The following BCL7A variants were observed in gnomAD, a reference collection of about 807,000 sequenced individuals.
The protein encoded by BCL7A is BAF chromatin remodeling complex subunit BCL7A.
Under a neutral mutation model 28.4 loss-of-function variants are expected in BCL7A, and 11 were observed. That is an observed-to-expected ratio of 0.39 (90% confidence interval 0.24 to 0.64). The LOEUF (loss-of-function observed/expected upper bound fraction) is 0.64, where lower values mean the gene tolerates loss of function less well. Among genes scored for constraint, BCL7A ranks in the 30% least tolerant of loss-of-function variants. The pLI is 0.50. For missense variants in BCL7A, 222 were observed against 274.8 expected, an observed-to-expected ratio of 0.81 and a Z score of 1.36; for synonymous variants, 123 against 103.3, an observed-to-expected ratio of 1.19 and a Z score of -1.15.
chr12:122,042,109 T>TGCAGGACAAGGGGGGGC (rs1490337035), intron 3 of BCL7A, among the ~76,000 whole-genome samples: 4 of 151,680 alleles, frequency 2.6e-5, no homozygotes, highest in Non-Finnish European at 4.4e-5. Context: ...GAGAAGGGGG[T>TGCAGGACAAGGGGGGGC]GCAGGACAAG....
chr12:122,022,791 G>C (rs1593019452), intron 1 of BCL7A, among the ~76,000 whole-genome samples: 1 of 151,776 alleles, frequency 6.6e-6, no homozygotes, highest in East Asian at 2.0e-4. Flanking sequence ...AGCGCTTTGG[G>C]CTGCCTGGAG....
Position 122,035,360 on chromosome 12 carries a change from CGA to C in BCL7A, c.207_208del (p.Lys70ValfsTer21). On this transcript the variant is annotated frameshift_variant, in exon 3 of 6. Transcript: ENST00000261822. LOFTEE classifies it high-confidence loss of function. ...KNKNKKKGKD[E>X]KCGSEVTTPE... ...ACAAGAATAAGAAAAAAGGCAAGGA[CGA>C]GAAGTGTGGCTCAGAGGTGACCACT... The C allele has an allele frequency of 6.2e-7, 1 of 1,614,168 alleles. No homozygotes were observed. Among genetic ancestry groups the C allele is most frequent in the East Asian group, 2.2e-5 (1 of 44,884 alleles).
chr12:122,022,631 C>G (rs1883491634), intron 1 of BCL7A, among the ~76,000 whole-genome samples: 1 of 145,208 alleles, frequency 6.9e-6, no homozygotes, highest in African/African-American at 2.5e-5. Context: ...AGGCTCCGAG[C>G]GGGCCGCCGC....
intron 4 of BCL7A, among the ~76,000 whole-genome samples, chr12:122,045,499 G>C (rs1050069799): frequency 6.6e-6 from 1 of 152,112 alleles, no homozygotes; most frequent in African/African-American, 2.4e-5. Flanking sequence ...GGGAGCCACT[G>C]GGGGCTTGGG....
At chr12:122,022,876 T>G (rs1883500940) in intron 1 of BCL7A, among the ~76,000 whole-genome samples, 1 of 150,580 alleles carries the variant, frequency 6.6e-6, no homozygotes, top group Non-Finnish European at 1.5e-5. Flanking sequence ...GGCGCCCACG[T>G]CCCACCCCGC....
chr12:122,024,971 C>A (rs1523261), intron 1 of BCL7A, among the ~76,000 whole-genome samples: 78,742 of 148,618 alleles, frequency 0.53, 21,346 homozygotes, highest in African/African-American at 0.6. Context: ...GCTTCCCCCA[C>A]CCCCGGAAAA....
intron 5 of BCL7A, among the ~76,000 whole-genome samples, chr12:122,055,276 G>A (rs1227031253): frequency 6.6e-6 from 1 of 152,204 alleles, no homozygotes; most frequent in Non-Finnish European, 1.5e-5. Flanking sequence ...TTTAGAGCTG[G>A]GAAGACAAGA....
intron 3 of BCL7A, among the ~76,000 whole-genome samples, chr12:122,043,462 G>A (rs931928701): frequency 2.0e-5 from 3 of 151,762 alleles, no homozygotes; most frequent in African/African-American, 7.3e-5. Flanking sequence ...AGGAGGAGGC[G>A]TATCCAGTAT....
At chr12:122,025,067 G>A (rs79589233) in intron 1 of BCL7A, among the ~76,000 whole-genome samples, 7,790 of 152,228 alleles carry the variant, frequency 0.051, 225 homozygotes, top group Middle Eastern at 0.075. Context: ...TGGAGGTGAG[G>A]TGACCAGAAG....
chr12:122,045,169 T>C (rs1253137951), intron 4 of BCL7A, among the ~76,000 whole-genome samples: 1 of 151,602 alleles, frequency 6.6e-6, no homozygotes, highest in African/African-American at 2.4e-5. Flanking sequence ...TCACTTGAGG[T>C]CAGGAGTTCA....
rs1415378056 is a variant in BCL7A at position 122,061,616 on chromosome 12, C to T, written c.*2453C>T. 10 of 149,410 alleles carry T rather than the reference C, an allele frequency of 6.7e-5. No homozygotes were observed. The highest frequency in any genetic ancestry group is 1.5e-4 in the African/African-American group (6 of 39,538). 9.3% of individuals were successfully genotyped at this position (149,410 alleles called of 1,614,324 possible). ...CACAGAATCTAAGACCTTTCAGCTT[C>T]GAGCCAGGGGGCGGGGGATCCCGAG... On this transcript the variant is annotated 3_prime_UTR_variant, in exon 6 of 6. Transcript: ENST00000261822.
chr12:122,027,163 G>T (rs1883647219), intron 1 of BCL7A, among the ~76,000 whole-genome samples: 1 of 152,208 alleles, frequency 6.6e-6, no homozygotes, highest in African/African-American at 2.4e-5. Context: ...GGCATCTGAG[G>T]GGGGCCAGAG....
Position 122,032,360 on chromosome 12 carries a change from G to C in BCL7A, c.174+1579G>C, listed in dbSNP as rs138401502. ...GGAAGAGCAGGGCAAGCTCCTCGAA[G>C]GCAGTTCCTGGCTCCGGCCCATGTC... On this transcript the variant is annotated intron_variant, in intron 2 of 5. Transcript: ENST00000261822. 1.3e-3 allele frequency among the ~76,000 whole-genome samples: 205 copies of C among 152,368 alleles called. 1 individual carries two copies. Among genetic ancestry groups the C allele is most frequent in the African/African-American group, 4.8e-3 (200 of 41,590 alleles).
At chr12:122,049,029 A>ATAT (rs1197773177) in intron 4 of BCL7A, among the ~76,000 whole-genome samples, 333 of 68,944 alleles carry the variant, frequency 4.8e-3, no homozygotes, top group Non-Finnish European at 7.5e-3. Context: ...AAAAAAAAAA[A>ATAT]AAAAAAATAT....
At chr12:122,050,008 T>C (rs1884157991) in intron 4 of BCL7A, among the ~76,000 whole-genome samples, 1 of 152,198 alleles carries the variant, frequency 6.6e-6, no homozygotes, top group African/African-American at 2.4e-5. Flanking sequence ...GGAGTCTCGC[T>C]GTGTCACCCA....
chr12:122,050,032 T>A (rs1884158282), intron 4 of BCL7A, among the ~76,000 whole-genome samples: 1 of 152,188 alleles, frequency 6.6e-6, no homozygotes, highest in Non-Finnish European at 1.5e-5. Flanking sequence ...CGGAGTGCAG[T>A]GATGCAATCT....
At position 122,022,128 on chromosome 12, in the gene BCL7A, C is replaced by T. The variant is rs1317495549; in HGVS notation, c.37C>T (p.Arg13Trp). 1.3e-6 allele frequency: 2 copies of T among 1,586,604 alleles called. No individual in the cohort carries two copies. The highest frequency in any genetic ancestry group is 1.4e-5 in the African/African-American group (1 of 72,656). Residue 13 changes from arginine (R) to tryptophan (W), a missense_variant, in exon 1 of 6, where the codon CGG (arginine) becomes TGG (tryptophan). Arg to Trp is a moderately radical substitution (Grantham distance 101). This residue lies in a region of BCL7A where 67 missense variants were observed against 129.1 expected (regional missense o/e 0.52). Transcript: ENST00000261822. ...GTCGGTTCGAGCCGAGACGAGGAGCCGGGCCAAAGATGATATCAAGAGGGT... is the reference window on the plus strand; with the variant it reads ...GTCGGTTCGAGCCGAGACGAGGAGCTGGGCCAAAGATGATATCAAGAGGGT... ...GRSVRAETRS[R>W]AKDDIKRVMA...
At chr12:122,038,430 T>A (rs183932663) in intron 3 of BCL7A, among the ~76,000 whole-genome samples, 2,618 of 23,730 alleles carry the variant, frequency 0.11, 24 homozygotes, top group African/African-American at 0.3. Flanking sequence ...AGACTCTGCC[T>A]CAAAAAAAAA....
intron 1 of BCL7A, among the ~76,000 whole-genome samples, chr12:122,024,925 A>G (rs1883581650): frequency 6.6e-6 from 1 of 151,784 alleles, no homozygotes; most frequent in Non-Finnish European, 1.5e-5. Flanking sequence ...AGTGACCCCT[A>G]AAATTACCCC....
Sources: allele counts gnomAD v4.1 joint callset (sites outside exome capture counted in the v4.1 genomes callset), GRCh38; gene constraint gnomAD v4.1.1; regional missense constraint gnomAD v4.1.1; transcripts MANE v1.5; gene names NCBI Gene and HGNC (gene_info 2026-07-23, HGNC 2026-07-21).